The following DDHD1 variants were observed in gnomAD, a reference collection of about 807,000 sequenced individuals.
DDHD1 encodes phospholipase DDHD1.
In DDHD1, 49 loss-of-function variants were observed where a neutral mutation model predicts 96.4. The observed-to-expected ratio is 0.51, with a 90% CI of 0.40 to 0.64. The LOEUF (loss-of-function observed/expected upper bound fraction) is 0.64. DDHD1 is among the 30% of genes least tolerant of loss of function. DDHD1 has a pLI of 0.00. For synonymous variants in DDHD1, 442 were observed against 446.5 expected, an observed-to-expected ratio of 0.99 and a Z score of 0.13; for missense variants, 1,106 against 1,161.2, an observed-to-expected ratio of 0.95 and a Z score of 0.69.
Position 53,058,576 on chromosome 14 carries a change from C to T in DDHD1, c.1893G>A (p.Leu631=), listed in dbSNP as rs773742131. 12 of 1,613,484 alleles carry T rather than the reference C, an allele frequency of 7.4e-6. No homozygotes were observed. The South Asian group carries it at 1.1e-4, about 15-fold the overall frequency. ...CAGTATTTCCTGGGCGGATGCCACG[C>T]AACGCCAAGAAAACTGCTAATGGGG... is the stretch of plus-strand genomic sequence containing the variant. ...MGSPLAVFLA[L]RGIRPGNTGS... Residue 631 remains leucine (L), a synonymous_variant, in exon 9 of 13, where the codon TTG becomes TTA. Coordinates refer to ENST00000673822, the MANE Select transcript of DDHD1 (RefSeq NM_001160148.2).
At position 53,097,700 on chromosome 14, in the gene DDHD1, G is replaced by A. The variant is rs1202554690; in HGVS notation, c.1013-4256C>T. ...AATTCCATATTATTAAATATTAAAC[G>A]AGAACGAAATGGGAAATGTATGGAC... On this transcript the variant is annotated intron_variant, in intron 2 of 12. Transcript: ENST00000673822. Among the ~76,000 whole-genome samples the A allele has an allele frequency of 2.0e-5, 3 of 151,752 alleles. No homozygotes were observed. The East Asian group carries it at 5.8e-4, about 29-fold the overall frequency.
At chr14:53,055,992 C>G (rs1369134434) in intron 9 of DDHD1, 80 bp from the exon 10 acceptor site, 1 of 1,212,082 alleles carries the variant, frequency 8.3e-7, no homozygotes, top group Non-Finnish European at 1.2e-6. Context: ...TCTTACTCTA[C>G]TGCATGTTAA....
chr14:53,132,146 G>C (rs1460378182), intron 1 of DDHD1, among the ~76,000 whole-genome samples: 2 of 151,906 alleles, frequency 1.3e-5, no homozygotes, highest in Non-Finnish European at 2.9e-5. Context: ...CCTAAAAGCT[G>C]CTCCCCACTA....
intron 4 of DDHD1, among the ~76,000 whole-genome samples, chr14:53,078,034 T>G (rs1210724897): frequency 6.6e-6 from 1 of 152,220 alleles, no homozygotes; most frequent in Non-Finnish European, 1.5e-5. Context: ...CATCAGTTGA[T>G]GGATGTTTGT....
At chr14:53,085,494 C>A (rs1328705561) in intron 4 of DDHD1, among the ~76,000 whole-genome samples, 2 of 152,156 alleles carry the variant, frequency 1.3e-5, no homozygotes, top group Admixed American at 6.5e-5. Context: ...GCTGGTAATA[C>A]CCAGGCAAAC....
chr14:53,047,033 A>C (rs1024441974), intron 12 of DDHD1, 84 bp from the exon 13 acceptor site: 1 of 1,095,904 alleles, frequency 9.1e-7, no homozygotes, highest in African/African-American at 1.6e-5. Context: ...GAGAGTAAAA[A>C]TTTAGCTAAA....
rs1241745868 is a variant in DDHD1, at chr14:53,045,866, T to C, written c.*902A>G. On this transcript the variant is annotated 3_prime_UTR_variant, in exon 13 of 13. Transcript: ENST00000673822. ...CAAATGTTTATACATTTAAAATAGC[T>C]GTCATACTACCTATTCAAAAGCATT... The C allele has an allele frequency of 6.6e-6, 1 of 152,196 alleles. No homozygotes were observed. The highest frequency in any genetic ancestry group is 1.5e-5 in the Non-Finnish European group (1 of 68,026). 9.4% of individuals were successfully genotyped at this position (152,196 alleles called of 1,614,324 possible).
chr14:53,077,374 A>G (rs1206491625), intron 4 of DDHD1, among the ~76,000 whole-genome samples: 1 of 152,180 alleles, frequency 6.6e-6, no homozygotes, highest in Non-Finnish European at 1.5e-5. Context: ...ATTTCCTTAC[A>G]TTAAATATTT....
chr14:53,065,808 C>T (rs1241093450), intron 6 of DDHD1, among the ~76,000 whole-genome samples: 1 of 152,178 alleles, frequency 6.6e-6, no homozygotes, highest in African/African-American at 2.4e-5. Context: ...GTGTCCACTT[C>T]TATCTTTAGA....
intron 4 of DDHD1, among the ~76,000 whole-genome samples, chr14:53,084,038 A>C (rs903351922): frequency 1.3e-5 from 2 of 152,178 alleles, no homozygotes; most frequent in African/African-American, 4.8e-5. Context: ...CTAGGTTGGG[A>C]ATATGACAAG....
chr14:53,109,447 C>T (rs895758519), intron 1 of DDHD1, among the ~76,000 whole-genome samples: 3 of 152,160 alleles, frequency 2.0e-5, no homozygotes, highest in African/African-American at 7.2e-5. Flanking sequence ...CAGCTCTTCC[C>T]ACTCACAGGT....
intron 1 of DDHD1, among the ~76,000 whole-genome samples, chr14:53,145,432 G>C (rs1002837221): frequency 2.7e-5 from 4 of 149,318 alleles, no homozygotes; most frequent in Non-Finnish European, 5.9e-5. Flanking sequence ...GAGCCTGGGA[G>C]GTCAAGGCTG....
At chr14:53,065,612 C>T (rs975930142) in intron 6 of DDHD1, among the ~76,000 whole-genome samples, 2 of 152,164 alleles carry the variant, frequency 1.3e-5, no homozygotes, top group African/African-American at 4.8e-5. Context: ...TTTCCCCTAA[C>T]CATGACTTTT....
intron 1 of DDHD1, among the ~76,000 whole-genome samples, chr14:53,142,137 G>A (rs1050751999): frequency 2.0e-5 from 3 of 152,178 alleles, no homozygotes; most frequent in Non-Finnish European, 4.4e-5. Flanking sequence ...AGGCCACAGA[G>A]ATTATAACTT....
Position 53,152,428 on chromosome 14 carries a change from C to T in DDHD1, c.671G>A (p.Ser224Asn), listed in dbSNP as rs141636646. 12 of 1,613,662 alleles carry T rather than the reference C, an allele frequency of 7.4e-6. No homozygotes were observed. Among genetic ancestry groups the T allele is most frequent in the Non-Finnish European group, 1.0e-5 (12 of 1,179,958 alleles). Residue 224 changes from serine to asparagine, a missense_variant, in exon 1 of 13, where the codon AGT (serine) becomes AAT (asparagine). Ser to Asn is a conservative substitution (Grantham distance 46, BLOSUM62 1). Coordinates refer to ENST00000673822, the MANE Select transcript of DDHD1 (RefSeq NM_001160148.2). ...GTCCTCATCGTCATCTTCTCCGGAA[C>T]TGGAGGCTGGGCCCGTGGGGGAGCA... Reference protein sequence around the residue: ...HVCSPTGPASSSGEDDDEDRA... With the variant: ...HVCSPTGPASNSGEDDDEDRA...
intron 1 of DDHD1, among the ~76,000 whole-genome samples, chr14:53,121,471 C>T (rs1439484788): frequency 6.6e-6 from 1 of 152,216 alleles, no homozygotes; most frequent in Non-Finnish European, 1.5e-5. Flanking sequence ...ACTATAAAGA[C>T]ACATGCACAC....
Position 53,046,111 on chromosome 14 carries a change from G to GA in DDHD1, c.*656dup, listed in dbSNP as rs1881990623. ...GAAGAGTACAAAGATGGAGTTCTGA[G>GA]AAAAAAGGGTTTATCACTATAGAAA... On this transcript the variant is annotated 3_prime_UTR_variant, in exon 13 of 13. Transcript: ENST00000673822. 1 of 151,834 alleles carries GA rather than the reference G, an allele frequency of 6.6e-6. No homozygotes were observed. Among genetic ancestry groups the GA allele is most frequent in the South Asian group, 2.1e-4 (1 of 4,824 alleles). 9.4% of individuals were successfully genotyped at this position (151,834 alleles called of 1,614,324 possible).
rs4898778 is a variant in DDHD1 at position 53,062,951 on chromosome 14, A to G, written c.1758T>C (p.Thr586=). ...ERHLLDELYI[T]KRRLKEIEER... ...AGATGAGGATATTTTACCGTCGTTT[A>G]GTTATATAGAGTTCATCAAGAAGAT... The change falls in exon 7 of 13, where the codon ACT becomes ACC. Residue 586 remains threonine, a synonymous_variant. Transcript: ENST00000673822. The G allele has an allele frequency of 5.6e-5, 90 of 1,608,274 alleles. No individual in the cohort carries two copies. In the East Asian group the frequency reaches 2.0e-3, roughly 35 times the overall value.
chr14:53,130,949 C>T (rs976249412), intron 1 of DDHD1, among the ~76,000 whole-genome samples: 7 of 152,148 alleles, frequency 4.6e-5, no homozygotes, highest in African/African-American at 7.2e-5. Context: ...GTAAGTTCAT[C>T]CCCTTCTTAA....
Sources: gnomAD v4.1 joint callset for allele counts (sites outside exome capture counted in the v4.1 genomes callset) on GRCh38, gnomAD v4.1.1 for gene constraint, MANE v1.5 for transcripts, NCBI Gene and HGNC (gene_info 2026-07-23, HGNC 2026-07-21) for gene names.